Variants in OBSL1 observed in about 807,000 individuals in gnomAD.
OBSL1 encodes obscurin-like protein 1.
Under a neutral mutation model 172.0 loss-of-function variants are expected in OBSL1, and 160 were observed. The ratio of observed to expected loss-of-function variants is 0.93; its 90% CI spans 0.82 to 1.06. The LOEUF (loss-of-function observed/expected upper bound fraction) is 1.06, where lower values mean the gene tolerates loss of function less well. OBSL1 is among the 50% of genes least tolerant of loss of function. The pLI is 0.00. For synonymous variants in OBSL1, 1,200 were observed against 1,196.3 expected (o/e 1.00, Z -0.06); for missense variants, 2,681 against 2,715.4 (o/e 0.99, Z 0.28).
Position 219,551,657 on chromosome 2 carries a change from T to C in OBSL1, c.5555A>G (p.Asp1852Gly), listed in dbSNP as rs975038289. The C allele has an allele frequency of 5.6e-6, 9 of 1,611,592 alleles. No individual in the cohort carries two copies. Among genetic ancestry groups the C allele is most frequent in the Non-Finnish European group, 6.8e-6 (8 of 1,179,282 alleles). ...LREGAELCPG[D>G]KYEMRSHGPT... is the part of the protein sequence containing the mutation. ...GCCGTGGCTGCGCATCTCATACTTATCTCCCGGGCACAGCTCGGCCCCCTC... is the reference window on the plus strand; with the variant it reads ...GCCGTGGCTGCGCATCTCATACTTACCTCCCGGGCACAGCTCGGCCCCCTC... The change falls in exon 20 of 21, where the codon GAT (aspartate) becomes GGT (glycine). Residue 1852 changes from aspartate (D) to glycine (G), a missense_variant. This residue lies in a region of OBSL1 where 1,765 missense variants were observed against 1,748.3 expected (regional missense o/e 1.01). Transcript: ENST00000404537.
chr2:219,548,216 G>A (rs925355528), downstream of OBSL1: 6 of 825,310 alleles, frequency 7.3e-6, no homozygotes, highest in Non-Finnish European at 1.1e-5. Context: ...CTCAGGGTCT[G>A]GGAGGATAGC....
At chr2:219,555,503 C>T (rs1695936232) in intron 14 of OBSL1, 1 of 382,594 alleles carries the variant, frequency 2.6e-6, no homozygotes, top group Admixed American at 6.3e-5. Context: ...TGGCCTCGAA[C>T]TCCTGGCCTC....
At position 219,552,687 on chromosome 2, in the gene OBSL1, C is replaced by G. The variant is rs766398486; in HGVS notation, c.5157G>C (p.Val1719=). The change falls in exon 18 of 21, where the codon GTG becomes GTC. Residue 1719 remains valine, a synonymous_variant. Transcript: ENST00000404537. The part of the protein sequence containing the change: ...PVRLTVRERT[V]AVLSELRSVS... ...CCGACCGCAGCTCGGAGAGTACCGC[C>G]ACAGTACGCTCTGGGGCGGAGCCCG... 5 of 1,531,020 alleles carry G rather than the reference C, an allele frequency of 3.3e-6. No individual in the cohort carries two copies. Among genetic ancestry groups the G allele is most frequent in the Non-Finnish European group, 4.4e-6 (5 of 1,141,384 alleles). The allele number at this position is 1,531,020 out of a possible 1,614,324, so 94.8% of individuals were successfully genotyped here.
chr2:219,565,093 A>G, intron 6 of OBSL1, 149 bp downstream of exon 6: 4 of 781,604 alleles, frequency 5.1e-6, no homozygotes, highest in Non-Finnish European at 7.8e-6. Context: ...CAAAAAAGCA[A>G]GTGCAGAGTT....
rs772023501 is a variant in OBSL1 at position 219,565,243 on chromosome 2, T to G, written c.2406A>C (p.Gln802His). 4 of 1,607,828 alleles carry G rather than the reference T, an allele frequency of 2.5e-6. No individual in the cohort carries two copies. The highest frequency in any genetic ancestry group is 3.4e-6 in the Non-Finnish European group (4 of 1,176,250). Residue 802 changes from glutamine (Q) to histidine (H), a missense_variant and splice_region_variant, in exon 6 of 21, where the codon CAA becomes CAC. Coordinates refer to ENST00000404537, the MANE Select transcript of OBSL1 (RefSeq NM_015311.3). ...GCCCAGGCTGGCATGCTTCCTGACC[T>G]TGGACAGTGACGCCGAAGAAGGCCG... ...GVSAFFGVTV[Q>H]DPPVHIVDPR...
Position 219,557,959 on chromosome 2 carries a change from G to A in OBSL1, c.3654C>T (p.Gly1218=), listed in dbSNP as rs770066788. The stretch of plus-strand genomic sequence containing the variant: ...GGGGGCCCTCGGCATGGAGCTCTAG[G>A]CCCTCGCCCTCCTGCACGGGCCTCC... ...HNGRPVQEGE[G]LELHAEGPRR... The change falls in exon 11 of 21, where the codon GGC becomes GGT. Residue 1218 remains glycine (G), a synonymous_variant. Transcript: ENST00000404537. 4.2e-5 allele frequency: 68 copies of A among 1,608,430 alleles called. No individual in the cohort carries two copies. Among genetic ancestry groups the A allele is most frequent in the Non-Finnish European group, 5.7e-5 (67 of 1,178,986 alleles).
rs1273582691 is a variant in OBSL1 at position 219,556,220 on chromosome 2, A to G, written c.4409T>C (p.Val1470Ala). The change falls in exon 14 of 21, where the codon GTG (valine) becomes GCG (alanine). Residue 1470 changes from valine (V) to alanine (A), a missense_variant. Val to Ala is a moderately conservative substitution (Grantham distance 64). Coordinates refer to ENST00000404537, the MANE Select transcript of OBSL1 (RefSeq NM_015311.3). Reference protein sequence around the residue: ...AEEGQDVCLEVETGRVGAAGA... With the variant: ...AEEGQDVCLEAETGRVGAAGA... ...CGCTGCACCCACTCGGCCTGTCTCCACTTCGAGACACACATCCTGGCCTTC... is the reference window on the plus strand; with the variant it reads ...CGCTGCACCCACTCGGCCTGTCTCCGCTTCGAGACACACATCCTGGCCTTC... The G allele has an allele frequency of 1.2e-6, 2 of 1,609,448 alleles. No homozygotes were observed. Among genetic ancestry groups the G allele is most frequent in the Non-Finnish European group, 1.7e-6 (2 of 1,177,150 alleles).
chr2:219,558,218 C>G lies in OBSL1; in HGVS notation c.3468G>C (p.Arg1156=). ...TGACATTGAAGGTGATGGCCTCATGCCGGGTCTCACACACATACTCCCCGG... is the reference window on the plus strand; with the variant it reads ...TGACATTGAAGGTGATGGCCTCATGGCGGGTCTCACACACATACTCCCCGG... The part of the protein sequence containing the change: ...EDAGEYVCET[R]HEAITFNVIL... The change falls in exon 10 of 21, where the codon CGG becomes CGC. Residue 1156 remains arginine (R), a synonymous_variant. Transcript: ENST00000404537. 1 of 1,608,194 alleles carries G rather than the reference C, an allele frequency of 6.2e-7. No individual in the cohort carries two copies. Among genetic ancestry groups the G allele is most frequent in the Non-Finnish European group, 8.5e-7 (1 of 1,175,792 alleles).
intron 13 of OBSL1, 23 bp from the exon 14 acceptor site, chr2:219,556,315 T>C (rs779416736): frequency 1.0e-5 from 16 of 1,569,472 alleles, no homozygotes; most frequent in Admixed American, 1.7e-5. Context: ...AAGGAGGCCA[T>C]GGAGTCTGGT....
At chr2:219,549,358 A>T, downstream of OBSL1, 1 of 1,610,556 alleles carries the variant, frequency 6.2e-7, no homozygotes, top group Non-Finnish European at 8.5e-7. Flanking sequence ...CTCCCCGGTG[A>T]GCTCCCTGAG....
In OBSL1 at chr2:219,554,630, G is replaced by C; in HGVS notation, c.4720C>G (p.Arg1574Gly). Residue 1574 changes from arginine to glycine, a missense_variant, in exon 15 of 21, where the codon CGG (arginine) becomes GGG (glycine). Around this residue, in one of 5 missense-constraint regions of OBSL1, gnomAD observed 1,765 missense variants for 1,748.3 expected, o/e 1.01. Coordinates refer to ENST00000404537, the MANE Select transcript of OBSL1 (RefSeq NM_015311.3). ...SQEGVTGEWARGGVQLYPGPK... is the reference protein window; with the variant it reads ...SQEGVTGEWAGGGVQLYPGPK... ...CCTGGATACAGCTGTACTCCACCCC[G>C]GGCCCACTCCCCGGTCACACCTTCC... 1.2e-6 allele frequency: 2 copies of C among 1,611,626 alleles called. No individual in the cohort carries two copies. The highest frequency in any genetic ancestry group is 1.1e-5 in the South Asian group (1 of 90,742).
In OBSL1 at chr2:219,554,754, A is replaced by G; in HGVS notation, c.4610-14T>C. The G allele has an allele frequency of 6.5e-7, 1 of 1,531,712 alleles. No homozygotes were observed. The highest frequency in any genetic ancestry group is 8.8e-7 in the Non-Finnish European group (1 of 1,134,724). The allele number at this position is 1,531,712 out of a possible 1,614,324, so 94.9% of individuals were successfully genotyped here. On this transcript the variant is annotated splice_polypyrimidine_tract_variant and intron_variant, in intron 14 of 20. Coordinates refer to ENST00000404537, the MANE Select transcript of OBSL1 (RefSeq NM_015311.3). Reference sequence around the variant, plus strand: ...TCAGCTGCCTCGCTGGCCGGGGGAGATGGAGAGAGGGAGGATGAGGCCTCC... The same window carrying G: ...TCAGCTGCCTCGCTGGCCGGGGGAGGTGGAGAGAGGGAGGATGAGGCCTCC...
In OBSL1 at chr2:219,571,275, G is replaced by C; in HGVS notation, c.-43C>G. 1.3e-6 allele frequency: 1 copy of C among 788,984 alleles called. No individual in the cohort carries two copies. Among genetic ancestry groups the C allele is most frequent in the Non-Finnish European group, 1.6e-6 (1 of 620,700 alleles). The allele number at this position is 788,984 out of a possible 1,614,324, so 48.9% of individuals were successfully genotyped here. ...TGCAGCGGCGAACGGTGGGGGGGCA[G>C]GGGGGGGTGCGGAGGGCGAGCCGAG... On this transcript the variant is annotated 5_prime_UTR_variant, in exon 1 of 21. Coordinates refer to ENST00000404537, the MANE Select transcript of OBSL1 (RefSeq NM_015311.3).
chr2:219,548,988 C>CT, downstream of OBSL1: 1 of 709,604 alleles, frequency 1.4e-6, no homozygotes, highest in East Asian at 2.6e-5. Flanking sequence ...GAAGTCTCCT[C>CT]TGAGAGGTAG....
intron 14 of OBSL1, 101 bp from the exon 15 acceptor site, chr2:219,554,841 C>G: frequency 2.9e-6 from 4 of 1,362,334 alleles, no homozygotes; most frequent in Non-Finnish European, 3.9e-6. Flanking sequence ...CCCTGAACAC[C>G]CAACCTAAGG....
Position 219,568,297 on chromosome 2 carries a change from A to C in OBSL1, c.1040T>G (p.Leu347Arg). The C allele has an allele frequency of 1.9e-6, 3 of 1,607,500 alleles. No individual in the cohort carries two copies. The highest frequency in any genetic ancestry group is 2.5e-6 in the Non-Finnish European group (3 of 1,177,176). Residue 347 changes from leucine (L) to arginine (R), a missense_variant, in exon 2 of 21, where the codon CTG (leucine) becomes CGG (arginine). This residue lies in a region of OBSL1 where 706 missense variants were observed against 695.8 expected (regional missense o/e 1.01). Transcript: ENST00000404537. This position sits in a 1 kb window ranked among gnomAD's most constrained non-coding sequence, Gnocchi z 4.1. ...KEPRLRFTRP[L>R]QDVEGREHGI... ...GTGCTCACGGCCCTCCACGTCCTGC[A>C]GGGGCCGTGTGAACCGGAGGCGGGG...
chr2:219,557,081 C>T (rs1459295519), intron 12 of OBSL1: 3 of 491,056 alleles, frequency 6.1e-6, no homozygotes, highest in African/African-American at 5.8e-5. Flanking sequence ...CAATGTCACA[C>T]AGCTACTGGG....
At position 219,554,700 on chromosome 2, in the gene OBSL1, G is replaced by A; in HGVS notation, c.4650C>T (p.Thr1550=). 1 of 1,579,508 alleles carries A rather than the reference G, an allele frequency of 6.3e-7. No homozygotes were observed. The part of the protein sequence containing the change: ...LRVLRPLEDV[T]ISEGGSATFQ... ...AGGTGGCACTGCCCCCCTCACTGAT[G>A]GTCACGTCCTCCAGAGGCCGCAGCA... Residue 1550 remains threonine (T), a synonymous_variant, in exon 15 of 21, where the codon ACC becomes ACT. Transcript: ENST00000404537.
At chr2:219,559,650 A>T (rs998846363) in intron 8 of OBSL1, 153 bp from the exon 9 acceptor site, 2 of 682,022 alleles carry the variant, frequency 2.9e-6, no homozygotes, top group African/African-American at 3.6e-5. Flanking sequence ...TGTTCTCTGA[A>T]ATCCCTGGGG....
Sources: gnomAD v4.1 joint callset for allele counts on GRCh38, gnomAD v4.1.1 for gene constraint, gnomAD v4.1.1 regional missense constraint, Gnocchi (gnomAD v3.1) non-coding constraint, MANE v1.5 for transcripts, NCBI Gene and HGNC (gene_info 2026-07-23, HGNC 2026-07-21) for gene names.